FARS2: variants seen among roughly 807,000 people sequenced by gnomAD.
FARS2 encodes the protein phenylalanyl-tRNA synthetase 2, mitochondrial, also known as phenylalanine--tRNA ligase, mitochondrial.
A neutral mutation model predicts 46.4 loss-of-function variants in FARS2; 40 were observed. That is an observed-to-expected ratio of 0.86 (90% CI 0.67 to 1.12). The LOEUF (loss-of-function observed/expected upper bound fraction) is 1.12. Ranked by LOEUF, FARS2 falls within the 50% of genes most tolerant of loss-of-function variation. The pLI is 0.00. For missense variants in FARS2, 513 were observed against 567.9 expected, an observed-to-expected ratio of 0.90 and a Z score of 0.98; for synonymous variants, 234 against 214.9, an observed-to-expected ratio of 1.09 and a Z score of -0.78.
At chr6:5,593,164 A>G (rs1233024001) in intron 5 of FARS2, among the ~76,000 whole-genome samples, 1 of 152,160 alleles carries the variant, frequency 6.6e-6, no homozygotes. Context: ...GGAGGGGTGG[A>G]CAGAACAGAC....
intron 2 of FARS2, among the ~76,000 whole-genome samples, chr6:5,389,880 C>A (rs918219479): frequency 7.3e-5 from 11 of 151,534 alleles, no homozygotes; most frequent in African/African-American, 2.7e-4. Context: ...TTGTTTTTTT[C>A]CTGAGAGAGG....
At chr6:5,472,845 T>C (rs1765880267) in intron 4 of FARS2, among the ~76,000 whole-genome samples, 2 of 152,186 alleles carry the variant, frequency 1.3e-5, no homozygotes, top group African/African-American at 4.8e-5. Flanking sequence ...GTCAGTCTGC[T>C]TGTTTATTTG....
chr6:5,255,107 C>T, the FARS2 span, among the ~76,000 whole-genome samples: 4 of 152,194 alleles, frequency 2.6e-5, no homozygotes, highest in African/African-American at 7.2e-5. Flanking sequence ...ATATGACTAT[C>T]TTGACTTCTG....
At chr6:5,761,658 A>T (rs1369897617) in intron 6 of FARS2, among the ~76,000 whole-genome samples, 1 of 152,146 alleles carries the variant, frequency 6.6e-6, no homozygotes, top group African/African-American at 2.4e-5. Context: ...TTCCACACAA[A>T]CGAAAAGCAC....
the FARS2 span, among the ~76,000 whole-genome samples, chr6:5,253,398 T>A: frequency 6.6e-6 from 1 of 152,160 alleles, no homozygotes; most frequent in East Asian, 1.9e-4. Context: ...TGTGGTTATG[T>A]TATACATCAT....
chr6:5,633,384 T>C (rs1019198886), intron 6 of FARS2, among the ~76,000 whole-genome samples: 4 of 149,256 alleles, frequency 2.7e-5, no homozygotes, highest in Admixed American at 6.8e-5. Context: ...CAAGTGATTA[T>C]CGTGCCTCAG....
chr6:5,413,021 T>G (rs1426902724), intron 3 of FARS2, among the ~76,000 whole-genome samples: 1 of 152,054 alleles, frequency 6.6e-6, no homozygotes, highest in Non-Finnish European at 1.5e-5. Flanking sequence ...AGGGACTCAG[T>G]GGAAATAAGA....
chr6:5,404,725 CG>C, intron 3 of FARS2, 24 bp downstream of exon 3: 1 of 1,493,082 alleles, frequency 6.7e-7, no homozygotes, highest in Non-Finnish European at 9.0e-7. Flanking sequence ...CACAGGTTGA[CG>C]ATCTCTTATC....
chr6:5,323,458 A>G (rs9392076), intron 1 of FARS2, among the ~76,000 whole-genome samples: 1 of 152,272 alleles, frequency 6.6e-6, no homozygotes, highest in South Asian at 2.1e-4. Context: ...TTATGACTCG[A>G]GAGATGCTGA....
intron 4 of FARS2, among the ~76,000 whole-genome samples, chr6:5,514,210 ATAAG>A (rs931009001): frequency 1.3e-5 from 2 of 152,174 alleles, no homozygotes; most frequent in African/African-American, 4.8e-5. Context: ...TAAATGAAGC[ATAAG>A]TAATCTGCCA....
intron 4 of FARS2, among the ~76,000 whole-genome samples, chr6:5,523,262 C>T (rs1273317949): frequency 6.6e-6 from 1 of 152,130 alleles, no homozygotes; most frequent in Non-Finnish European, 1.5e-5. Context: ...CAGCTCAGAA[C>T]ACCTGCACGG....
At chr6:5,754,358 G>T (rs1762102789) in intron 6 of FARS2, among the ~76,000 whole-genome samples, 1 of 152,192 alleles carries the variant, frequency 6.6e-6, no homozygotes, top group Non-Finnish European at 1.5e-5. Context: ...GCCAGGACAG[G>T]AGATCAGCTC....
At chr6:5,547,865 G>A (rs968964196) in intron 5 of FARS2, among the ~76,000 whole-genome samples, 1 of 152,130 alleles carries the variant, frequency 6.6e-6, no homozygotes, top group Non-Finnish European at 1.5e-5. Flanking sequence ...ACCCTAGAAG[G>A]GCTCATCTCT....
chr6:5,659,437 C>T (rs758761136), intron 6 of FARS2, among the ~76,000 whole-genome samples: 4 of 152,160 alleles, frequency 2.6e-5, no homozygotes, highest in Non-Finnish European at 4.4e-5. Context: ...CACAGTACAG[C>T]GAAGTGACAG....
chr6:5,322,348 A>G (rs935587365), intron 1 of FARS2, among the ~76,000 whole-genome samples: 2 of 152,240 alleles, frequency 1.3e-5, no homozygotes, highest in African/African-American at 4.8e-5. Context: ...CTCTTTTATA[A>G]AAACAAATTC....
chr6:5,516,279 TATAG>T (rs1768786573), intron 4 of FARS2, among the ~76,000 whole-genome samples: 2 of 152,170 alleles, frequency 1.3e-5, no homozygotes, highest in African/African-American at 4.8e-5. Flanking sequence ...CCCATTAGAC[TATAG>T]AGGGGCCAGA....
At chr6:5,696,963 A>G (rs1393077125) in intron 6 of FARS2, among the ~76,000 whole-genome samples, 1 of 152,232 alleles carries the variant, frequency 6.6e-6, no homozygotes, top group East Asian at 1.9e-4. Flanking sequence ...AAAACCAGCT[A>G]GAACCTCTTG....
chr6:5,343,513 A>G lies in FARS2; in HGVS notation c.-21-25037A>G, dbSNP rs1012987547. 1.3e-5 allele frequency among the ~76,000 whole-genome samples: 2 copies of G among 152,148 alleles called. No individual in the cohort carries two copies. The highest frequency in any genetic ancestry group is 2.9e-5 in the Non-Finnish European group (2 of 68,030). On this transcript the variant is annotated intron_variant, in intron 1 of 6. Coordinates refer to ENST00000274680, the MANE Select transcript of FARS2 (RefSeq NM_006567.5). This position sits in a 1 kb window ranked among gnomAD's most constrained non-coding sequence, Gnocchi z 4.5. ...AGGCGTGAACCACCGCGCCTGGCCT[A>G]CATTTCAGTTATTCTTGATGTGTTT...
intron 4 of FARS2, among the ~76,000 whole-genome samples, chr6:5,436,779 C>A (rs908600889): frequency 6.6e-6 from 1 of 152,122 alleles, no homozygotes; most frequent in Non-Finnish European, 1.5e-5. Context: ...GTCTGGAGGT[C>A]TGGGATGGAG....
Sources: gnomAD v4.1 joint callset for allele counts (sites outside exome capture counted in the v4.1 genomes callset) on GRCh38, gnomAD v4.1.1 for gene constraint, Gnocchi (gnomAD v3.1) non-coding constraint, MANE v1.5 for transcripts, NCBI Gene and HGNC (gene_info 2026-07-23, HGNC 2026-07-21) for gene names.